Variants in CASK observed in about 807,000 individuals in gnomAD.
The protein encoded by CASK is peripheral plasma membrane protein CASK.
A neutral mutation model predicts 82.9 loss-of-function variants in CASK; 4 were observed. The observed-to-expected ratio is 0.05, with a 90% CI of 0.02 to 0.11. CASK has a LOEUF of 0.11. CASK is among the 10% of genes least tolerant of loss of function. The pLI is 1.00. For missense variants in CASK, 358 were observed against 720.9 expected, an observed-to-expected ratio of 0.50 and a Z score of 5.76; for synonymous variants, 259 against 253.5, an observed-to-expected ratio of 1.02 and a Z score of -0.20.
At chrX:41,773,226 T>C in intron 3 of CASK, among the ~76,000 whole-genome samples, 1 of 108,252 alleles carries the variant, frequency 9.2e-6, no homozygotes, top group Non-Finnish European at 1.9e-5. Flanking sequence ...TCTACAAAAT[T>C]AGCCAGGCAT....
intron 9 of CASK, among the ~76,000 whole-genome samples, chrX:41,627,859 C>A (rs2066405748): frequency 9.0e-6 from 1 of 111,593 alleles, no homozygotes; most frequent in African/African-American, 3.3e-5. Context: ...AGAAAATTAG[C>A]CCGGCATGGT....
chrX:41,605,212 T>C (rs901355994), intron 12 of CASK, among the ~76,000 whole-genome samples: 5 of 111,974 alleles, frequency 4.5e-5, no homozygotes, highest in Non-Finnish European at 7.5e-5. Flanking sequence ...GGTAAAGATA[T>C]TTCCTAAAAT....
chrX:41,701,180 C>G (rs192511371), intron 5 of CASK, among the ~76,000 whole-genome samples: 107 of 110,066 alleles, frequency 9.7e-4, no homozygotes, highest in Non-Finnish European at 1.0e-3. Flanking sequence ...TTATCATACC[C>G]CAAAATTTAT....
chrX:41,829,623 GGGGGT>G (rs1434018690), intron 2 of CASK, among the ~76,000 whole-genome samples: 1 of 25,297 alleles, frequency 4.0e-5, no homozygotes, highest in African/African-American at 1.7e-4. Context: ...TTTTTTTTGG[GGGGGT>G]GGGGGTGAAC....
At chrX:41,843,406 C>G (rs893248249) in intron 2 of CASK, among the ~76,000 whole-genome samples, 1 of 111,234 alleles carries the variant, frequency 9.0e-6, no homozygotes, top group Non-Finnish European at 1.9e-5. Context: ...TTTTTGTCTG[C>G]TGAGATGATC....
At position 41,900,157 on chromosome X, in the gene CASK, G is replaced by A. The variant is rs924746290; in HGVS notation, c.59+22773C>T. On this transcript the variant is annotated intron_variant, in intron 1 of 26. Coordinates refer to ENST00000378163, the MANE Select transcript of CASK (RefSeq NM_001367721.1). ...TAGTCTTATAGAGGTTTCCTTGTAG[G>A]TGATGGTTTGCTTTTCTCTTGATGC... Among the ~76,000 whole-genome samples the A allele has an allele frequency of 1.1e-3, 122 of 110,564 alleles. 1 individual carries two copies. The highest frequency in any genetic ancestry group is 3.7e-3 in the African/African-American group (113 of 30,408).
chrX:41,629,734 A>C (rs1372009792), intron 9 of CASK, among the ~76,000 whole-genome samples: 1 of 112,024 alleles, frequency 8.9e-6, no homozygotes, highest in African/African-American at 3.2e-5. Context: ...GTTCTAATAA[A>C]ACTTTATATA....
At chrX:41,727,700 T>G in intron 5 of CASK, 1 of 1,201,947 alleles carries the variant, frequency 8.3e-7, no homozygotes, top group Non-Finnish European at 1.1e-6. Context: ...TACTCTTTTG[T>G]AAGCCATCTG....
chrX:41,845,963 C>T (rs748909389), intron 2 of CASK, among the ~76,000 whole-genome samples: 11 of 111,649 alleles, frequency 9.9e-5, no homozygotes, highest in African/African-American at 2.0e-4. Context: ...AACCCTCGTA[C>T]GCTGTTGGTG....
At chrX:41,625,225 G>T (rs1198365510) in intron 10 of CASK, among the ~76,000 whole-genome samples, 3 of 87,562 alleles carry the variant, frequency 3.4e-5, no homozygotes, top group African/African-American at 1.4e-4. Flanking sequence ...TCACTCTGTC[G>T]CCCAGGCTGG....
intron 5 of CASK, among the ~76,000 whole-genome samples, chrX:41,708,022 G>A (rs773033824): frequency 3.7e-5 from 4 of 108,306 alleles, no homozygotes; most frequent in Non-Finnish European, 7.7e-5. Flanking sequence ...GGAGGCTAAG[G>A]CAGGATAATC....
chrX:41,921,997 T>G (rs947562770), intron 1 of CASK, among the ~76,000 whole-genome samples: 3 of 111,538 alleles, frequency 2.7e-5, no homozygotes, highest in Non-Finnish European at 5.6e-5. Context: ...CACGCTGTGT[T>G]AGGAAATCAA....
At chrX:41,607,589 ATAAAT>A (rs2065980156) in intron 12 of CASK, among the ~76,000 whole-genome samples, 1 of 112,386 alleles carries the variant, frequency 8.9e-6, no homozygotes, top group African/African-American at 3.2e-5. Context: ...ACTACTTAAG[ATAAAT>A]TACACTAAAG....
chrX:41,841,749 C>T (rs990871836), intron 2 of CASK, among the ~76,000 whole-genome samples: 3 of 111,441 alleles, frequency 2.7e-5, no homozygotes, highest in Non-Finnish European at 5.7e-5. Context: ...GTCTTGAACT[C>T]GACCTCAAGT....
intron 8 of CASK, among the ~76,000 whole-genome samples, chrX:41,656,456 T>C (rs187304114): frequency 8.9e-6 from 1 of 112,087 alleles, no homozygotes; most frequent in East Asian, 2.8e-4. Flanking sequence ...ATATTGCACA[T>C]ATTTGGAGAG....
chrX:41,661,700 T>G (rs1231807361), intron 7 of CASK, among the ~76,000 whole-genome samples: 1 of 109,013 alleles, frequency 9.2e-6, no homozygotes, highest in Non-Finnish European at 1.9e-5. Flanking sequence ...AGGCAGAATT[T>G]CAAATAGTAG....
rs1446066283 is a variant in CASK, at chrX:41,923,010, G to T, written c.-22C>A. 1.7e-6 allele frequency: 2 copies of T among 1,201,825 alleles called. No individual in the cohort carries two copies. Among genetic ancestry groups the T allele is most frequent in the East Asian group, 3.0e-5 (1 of 33,727 alleles). On this transcript the variant is annotated 5_prime_UTR_variant, in exon 1 of 27. Coordinates refer to ENST00000378163, the MANE Select transcript of CASK (RefSeq NM_001367721.1). ...CCATGGTCCGGAGGGGATAGCGGCCGCAGCGTGGAGGGCTTCGAAAACGGG... is the reference window on the plus strand; with the variant it reads ...CCATGGTCCGGAGGGGATAGCGGCCTCAGCGTGGAGGGCTTCGAAAACGGG...
chrX:41,890,747 GA>G (rs766740611), intron 1 of CASK, among the ~76,000 whole-genome samples: 1 of 111,829 alleles, frequency 8.9e-6, no homozygotes, highest in African/African-American at 3.2e-5. Context: ...GCTGCATGCT[GA>G]CTGCTCAATG....
rs200962618 is a variant in CASK, at chrX:41,671,549, GAACAAACA to G, written c.430-27_430-20del. The G allele has an allele frequency of 4.2e-5, 45 of 1,061,306 alleles. No individual in the cohort carries two copies. The highest frequency in any genetic ancestry group is 5.8e-5 in the Non-Finnish European group (44 of 760,750). 87.5% of individuals were successfully genotyped at this position (1,061,306 alleles called of 1,213,427 possible). On this transcript the variant is annotated intron_variant, in intron 5 of 26. Coordinates refer to ENST00000378163, the MANE Select transcript of CASK (RefSeq NM_001367721.1). ...AGTGGGGCTGAAAAGAAAAACAGAC[GAACAAACA>G]AACAAAAAACAAACCCGAAGATAAG...
Sources: allele counts gnomAD v4.1 joint callset (sites outside exome capture counted in the v4.1 genomes callset), GRCh38; gene constraint gnomAD v4.1.1; transcripts MANE v1.5; gene names NCBI Gene and HGNC (gene_info 2026-07-23, HGNC 2026-07-21).